The following TTLL7 variants were observed in gnomAD, a reference collection of about 807,000 sequenced individuals.
TTLL7 encodes tubulin tyrosine ligase like 7.
TTLL7 carries 53 observed loss-of-function variants against 120.2 expected under a neutral mutation model. The ratio of observed to expected loss-of-function variants is 0.44; its 90% CI spans 0.35 to 0.55. TTLL7 has a LOEUF of 0.55. TTLL7 is among the 20% of genes least tolerant of loss of function. The pLI, the probability that TTLL7 is intolerant of heterozygous loss-of-function variation, is 0.00. For missense variants in TTLL7, 803 were observed against 1,054.7 expected (o/e 0.76, Z 3.31); for synonymous variants, 353 against 351.7 (o/e 1.00, Z -0.04).
At chr1:83,880,626 T>C (rs924632166) in intron 20 of TTLL7, among the ~76,000 whole-genome samples, 1 of 152,044 alleles carries the variant, frequency 6.6e-6, no homozygotes, top group Non-Finnish European at 1.5e-5. Flanking sequence ...TTCAAAGTCA[T>C]GGCTTAATTT....
At chr1:83,979,474 A>G (rs76133153) in intron 1 of TTLL7, 7,135 of 152,278 alleles carry the variant, frequency 0.047, 227 homozygotes, top group Middle Eastern at 0.11. Context: ...GGTAAGTCAC[A>G]AATCTTTTAA....
intron 18 of TTLL7, among the ~76,000 whole-genome samples, chr1:83,891,599 A>G (rs939717660): frequency 7.2e-5 from 11 of 152,116 alleles, no homozygotes; most frequent in African/African-American, 2.7e-4. Flanking sequence ...AATAGGAGGC[A>G]GCATGTACAA....
intron 20 of TTLL7, among the ~76,000 whole-genome samples, chr1:83,878,283 T>C (rs1654116960): frequency 1.3e-5 from 2 of 151,954 alleles, no homozygotes; most frequent in Non-Finnish European, 2.9e-5. Flanking sequence ...AGTTAATACA[T>C]TTACTTCTAT....
chr1:83,982,301 T>C (rs954673271), intron 1 of TTLL7, among the ~76,000 whole-genome samples: 2 of 152,186 alleles, frequency 1.3e-5, no homozygotes, highest in African/African-American at 2.4e-5. Context: ...GACACCTAAA[T>C]GCTTACATTA....
intron 9 of TTLL7, among the ~76,000 whole-genome samples, chr1:83,932,682 C>A (rs1659698113): frequency 6.6e-6 from 1 of 152,050 alleles, no homozygotes; most frequent in Admixed American, 6.6e-5. Context: ...CTTATGCAAA[C>A]CTTGATATTA....
At chr1:83,939,468 A>G (rs934094728) in intron 7 of TTLL7, among the ~76,000 whole-genome samples, 2 of 152,192 alleles carry the variant, frequency 1.3e-5, no homozygotes, top group Non-Finnish European at 2.9e-5. Flanking sequence ...AATGGATTGG[A>G]AATTCCACAA....
intron 4 of TTLL7, chr1:83,949,187 A>G (rs560747266): frequency 6.5e-6 from 1 of 152,794 alleles, no homozygotes; most frequent in South Asian, 2.1e-4. Flanking sequence ...ATTATGTTCT[A>G]AAAATAAAAG....
chr1:83,910,469 A>T (rs549797062), intron 15 of TTLL7, among the ~76,000 whole-genome samples: 2 of 152,290 alleles, frequency 1.3e-5, no homozygotes, highest in South Asian at 4.1e-4. Context: ...TGGGGATGAA[A>T]GAAAAATCAC....
At chr1:83,889,956 G>C (rs1210843322) in intron 19 of TTLL7, 4 of 463,038 alleles carry the variant, frequency 8.6e-6, no homozygotes. Context: ...TAGATATCTT[G>C]AGGCTAAAAT....
At chr1:83,947,564 C>T in intron 5 of TTLL7, 1 of 287,290 alleles carries the variant, frequency 3.5e-6, no homozygotes. Context: ...AGAGTACACA[C>T]TCTGTGCTAG....
rs1658473172 is a variant in TTLL7, at chr1:83,919,562, C to A, written c.1500+137G>T. ...TTGGTTCATCATGAAATGTTACCAA[C>A]TGTTAAAATAGAAAGCTTGGGGAAA... On this transcript the variant is annotated intron_variant, in intron 13 of 20. Coordinates refer to ENST00000260505, the MANE Select transcript of TTLL7 (RefSeq NM_024686.6). 3.4e-5 allele frequency: 26 copies of A among 767,410 alleles called. No homozygotes were observed. The South Asian group carries it at 7.0e-4, about 21-fold the overall frequency. The allele number at this position is 767,410 out of a possible 1,614,324, so 47.5% of individuals were successfully genotyped here.
intron 14 of TTLL7, among the ~76,000 whole-genome samples, chr1:83,914,756 C>T (rs190040517): frequency 2.0e-5 from 3 of 152,280 alleles, no homozygotes; most frequent in African/African-American, 2.4e-5. Flanking sequence ...TAGCACTTTA[C>T]ACTCCCTTTA....
chr1:83,937,744 T>C, intron 8 of TTLL7, 108 bp downstream of exon 8: 2 of 1,329,940 alleles, frequency 1.5e-6, no homozygotes, highest in Non-Finnish European at 2.1e-6. Context: ...TCCTCTCAAT[T>C]ATAGGGAACC....
chr1:83,981,838 A>AG (rs1651995617), intron 1 of TTLL7, among the ~76,000 whole-genome samples: 1 of 152,078 alleles, frequency 6.6e-6, no homozygotes, highest in South Asian at 2.1e-4. Flanking sequence ...CACAAAAAAA[A>AG]AAAAAAAATC....
intron 18 of TTLL7, 127 bp downstream of exon 18, chr1:83,903,952 A>C: frequency 1.4e-6 from 1 of 736,672 alleles, no homozygotes; most frequent in Non-Finnish European, 2.3e-6. Context: ...TAGATACTTA[A>C]TAAGTGTTTG....
chr1:83,931,876 T>C (rs1659629682), intron 9 of TTLL7, among the ~76,000 whole-genome samples: 1 of 152,166 alleles, frequency 6.6e-6, no homozygotes, highest in South Asian at 2.1e-4. Context: ...CAAAAGGTTT[T>C]TAACAATGTA....
chr1:83,881,193 T>C (rs1003618426), intron 20 of TTLL7, among the ~76,000 whole-genome samples: 1 of 151,832 alleles, frequency 6.6e-6, no homozygotes, highest in African/African-American at 2.4e-5. Context: ...AAGGACTTCA[T>C]GTCTAAAACA....
chr1:83,876,382 C>T (rs1240178656), intron 20 of TTLL7, among the ~76,000 whole-genome samples: 2 of 151,868 alleles, frequency 1.3e-5, no homozygotes, highest in Admixed American at 1.3e-4. Flanking sequence ...TGTTATATTG[C>T]TCTATTTCAA....
rs1557497592 is a variant in TTLL7, at chr1:83,869,928, T to C, written c.*34A>G. 2 of 1,588,500 alleles carry C rather than the reference T, an allele frequency of 1.3e-6. No homozygotes were observed. Among genetic ancestry groups the C allele is most frequent in the African/African-American group, 2.7e-5 (2 of 73,484 alleles). On this transcript the variant is annotated 3_prime_UTR_variant, in exon 21 of 21. Transcript: ENST00000260505. ...TTCAGAGGAAAAAAATGAATTGCTG[T>C]TATGTATAACCAATGGCGATCTTCC... is the stretch of plus-strand genomic sequence containing the variant.
Sources: allele counts gnomAD v4.1 joint callset (sites outside exome capture counted in the v4.1 genomes callset), GRCh38; gene constraint gnomAD v4.1.1; transcripts MANE v1.5; gene names NCBI Gene and HGNC (gene_info 2026-07-23, HGNC 2026-07-21).